The following RNGTT variants were observed in gnomAD, a reference collection of about 807,000 sequenced individuals.
RNGTT encodes the protein RNA guanylyltransferase and 5'-phosphatase, also known as mRNA-capping enzyme.
RNGTT carries 33 observed loss-of-function variants against 79.3 expected under a neutral mutation model. The observed-to-expected ratio is 0.42, with a 90% CI of 0.32 to 0.56. The LOEUF is 0.56. RNGTT is among the 20% of genes least tolerant of loss of function. The probability of loss-of-function intolerance (pLI) is 0.17; values close to 1 mark genes in which losing one functional copy is unlikely to be tolerated. For missense variants in RNGTT, 497 were observed against 739.1 expected, an observed-to-expected ratio of 0.67 and a Z score of 3.80; for synonymous variants, 222 against 235.9, an observed-to-expected ratio of 0.94 and a Z score of 0.54.
chr6:88,793,016 G>C (rs1022066645), intron 12 of RNGTT, among the ~76,000 whole-genome samples: 10 of 152,058 alleles, frequency 6.6e-5, no homozygotes, highest in Non-Finnish European at 1.2e-4. Flanking sequence ...GAATTAACTA[G>C]GATGGGTAGA....
intron 11 of RNGTT, among the ~76,000 whole-genome samples, chr6:88,813,284 C>T (rs1382605426): frequency 6.6e-6 from 1 of 152,136 alleles, no homozygotes; most frequent in Non-Finnish European, 1.5e-5. Flanking sequence ...CTGAAACTTG[C>T]ACATGAGATC....
chr6:88,743,109 A>T (rs1405187277), intron 13 of RNGTT, among the ~76,000 whole-genome samples: 1 of 152,250 alleles, frequency 6.6e-6, no homozygotes, highest in Admixed American at 6.5e-5. Flanking sequence ...ACAAAAGGGC[A>T]GTGAAGACTC....
At chr6:88,862,467 C>T (rs1259287837) in intron 8 of RNGTT, among the ~76,000 whole-genome samples, 1 of 152,182 alleles carries the variant, frequency 6.6e-6, no homozygotes, top group African/African-American at 2.4e-5. Context: ...CACTCTTTTC[C>T]CCATGCTTCA....
At chr6:88,912,607 T>C (rs1783861716) in intron 4 of RNGTT, among the ~76,000 whole-genome samples, 1 of 151,928 alleles carries the variant, frequency 6.6e-6, no homozygotes, top group Admixed American at 6.6e-5. Flanking sequence ...AAGTTGTTTC[T>C]TGGAAAGGAT....
Position 88,891,890 on chromosome 6 carries a change from G to A in RNGTT, c.710C>T (p.Thr237Ile), listed in dbSNP as rs1783061698. 6.3e-7 allele frequency: 1 copy of A among 1,578,946 alleles called. No individual in the cohort carries two copies. Among genetic ancestry groups the A allele is most frequent in the Non-Finnish European group, 8.6e-7 (1 of 1,164,822 alleles). The part of the protein sequence containing the change: ...KLGAIFLEGV[T>I]VKGVTQVTTQ... ...TGTTACTTGAGTTACACCTTTAACA[G>A]TAACACCTTCCAAGAAAATAGCGCC... The change falls in exon 7 of 16, where the codon ACT becomes ATT. Residue 237 changes from threonine to isoleucine, a missense_variant. Physicochemically the swap from Thr to Ile is moderately conservative, Grantham distance 89 (BLOSUM62 -1). This residue lies in a region of RNGTT where 440 missense variants were observed against 671.5 expected (regional missense o/e 0.66). Coordinates refer to ENST00000369485, the MANE Select transcript of RNGTT (RefSeq NM_003800.5).
chr6:88,812,647 T>C (rs1282061410), intron 11 of RNGTT, among the ~76,000 whole-genome samples: 1 of 152,160 alleles, frequency 6.6e-6, no homozygotes, highest in African/African-American at 2.4e-5. Flanking sequence ...TAACCTGAAC[T>C]GGACAGGGTA....
chr6:88,762,092 C>T (rs9362556), intron 13 of RNGTT, among the ~76,000 whole-genome samples: 21,081 of 152,132 alleles, frequency 0.14, 1,601 homozygotes, highest in Middle Eastern at 0.24. Context: ...CACTGCAGTC[C>T]GTAAGTTAAA....
chr6:88,901,495 C>CTTTTTTTTT lies in RNGTT; in HGVS notation c.684+3211_684+3219dup, dbSNP rs71024314. Among the ~76,000 whole-genome samples the CTTTTTTTTT allele has an allele frequency of 3.3e-3, 217 of 65,800 alleles. 25 individuals are homozygous for CTTTTTTTTT. The highest frequency in any genetic ancestry group is 5.4e-3 in the African/African-American group (76 of 14,056). The allele number at this position is 65,800 out of a possible 152,430, so 43.2% of individuals were successfully genotyped here. A position where few individuals can be genotyped will look rare whatever the true frequency, so the allele number is the denominator to read the frequency against. ...AAAAATAACTGTCAAGCACCCTGAT[C>CTTTTTTTTT]TTTTTTTTTTTTTTTTTTTTTTTTT... On this transcript the variant is annotated intron_variant, in intron 6 of 15. Coordinates refer to ENST00000369485, the MANE Select transcript of RNGTT (RefSeq NM_003800.5).
At chr6:88,632,586 T>C (rs961138032) in intron 14 of RNGTT, among the ~76,000 whole-genome samples, 3 of 141,958 alleles carry the variant, frequency 2.1e-5, no homozygotes, top group African/African-American at 7.6e-5. Flanking sequence ...CACACGTACA[T>C]TTCATAAAGC....
At chr6:88,836,955 A>G (rs562957628) in intron 11 of RNGTT, among the ~76,000 whole-genome samples, 1 of 152,354 alleles carries the variant, frequency 6.6e-6, no homozygotes, top group African/African-American at 2.4e-5. Flanking sequence ...TATTGCACTC[A>G]AAGGGAGAGA....
At chr6:88,617,618 T>A (rs1049355010) in intron 14 of RNGTT, among the ~76,000 whole-genome samples, 1 of 152,184 alleles carries the variant, frequency 6.6e-6, no homozygotes, top group South Asian at 2.1e-4. Flanking sequence ...AATCAGGAAG[T>A]GTGAGGCCTC....
chr6:88,736,153 G>C (rs1156688835), intron 13 of RNGTT, among the ~76,000 whole-genome samples: 1 of 151,852 alleles, frequency 6.6e-6, no homozygotes, highest in Non-Finnish European at 1.5e-5. Flanking sequence ...ATCTAACAAG[G>C]CCAATATTTA....
intron 4 of RNGTT, among the ~76,000 whole-genome samples, chr6:88,921,155 G>A (rs1478796585): frequency 6.6e-6 from 1 of 152,082 alleles, no homozygotes; most frequent in East Asian, 1.9e-4. Context: ...TTTAGTTTCA[G>A]AGAAGGAATT....
chr6:88,842,299 T>C (rs1305595609), intron 11 of RNGTT, among the ~76,000 whole-genome samples: 1 of 151,892 alleles, frequency 6.6e-6, no homozygotes, highest in Non-Finnish European at 1.5e-5. Context: ...TAGGAAATAG[T>C]CAATATGCAG....
At chr6:88,834,982 C>T (rs1249391638) in intron 11 of RNGTT, among the ~76,000 whole-genome samples, 1 of 152,022 alleles carries the variant, frequency 6.6e-6, no homozygotes, top group Non-Finnish European at 1.5e-5. Flanking sequence ...TTGTAATTGT[C>T]TATTTAATAC....
intron 14 of RNGTT, among the ~76,000 whole-genome samples, chr6:88,671,614 A>T (rs573077071): frequency 6.6e-6 from 1 of 152,204 alleles, no homozygotes; most frequent in Non-Finnish European, 1.5e-5. Context: ...CCTAAAAGTC[A>T]TATGGAATAA....
At chr6:88,901,493 A>ATTTTTTTTTTTTT (rs1562310733) in intron 6 of RNGTT, among the ~76,000 whole-genome samples, 6 of 97,560 alleles carry the variant, frequency 6.2e-5, no homozygotes, top group African/African-American at 4.5e-5. Context: ...AAGCACCCTG[A>ATTTTTTTTTTTTT]TCTTTTTTTT....
intron 12 of RNGTT, among the ~76,000 whole-genome samples, chr6:88,793,530 C>T (rs1779490080): frequency 6.6e-6 from 1 of 152,060 alleles, no homozygotes; most frequent in African/African-American, 2.4e-5. Context: ...ATCTTAACAA[C>T]TTAGGAGATA....
chr6:88,954,342 T>C (rs748047694), intron 1 of RNGTT, among the ~76,000 whole-genome samples: 1 of 152,172 alleles, frequency 6.6e-6, no homozygotes, highest in Non-Finnish European at 1.5e-5. Flanking sequence ...GCTATTCTTA[T>C]GTCAGACAAA....
Sources: gnomAD v4.1 joint callset for allele counts (sites outside exome capture counted in the v4.1 genomes callset) on GRCh38, gnomAD v4.1.1 for gene constraint, gnomAD v4.1.1 regional missense constraint, MANE v1.5 for transcripts, NCBI Gene and HGNC (gene_info 2026-07-23, HGNC 2026-07-21) for gene names.